PTPRK: variants seen among roughly 807,000 people sequenced by gnomAD.
PTPRK encodes the protein protein tyrosine phosphatase receptor type K.
PTPRK carries 75 observed loss-of-function variants against 178.0 expected under a neutral mutation model. The observed-to-expected ratio is 0.42, with a 90% CI of 0.35 to 0.51. PTPRK has a LOEUF of 0.51. PTPRK is among the 20% of genes least tolerant of loss of function. The pLI is 0.02. For missense variants in PTPRK, 1,441 were observed against 1,797.8 expected (o/e 0.80, Z 3.59); for synonymous variants, 637 against 620.6 (o/e 1.03, Z -0.39).
chr6:128,439,897 AAAG>A (rs1472372269), intron 1 of PTPRK, among the ~76,000 whole-genome samples: 1 of 152,230 alleles, frequency 6.6e-6, no homozygotes, highest in East Asian at 1.9e-4. Flanking sequence ...AGTAGACAAG[AAAG>A]AAGAATATCC....
At chr6:128,292,342 T>A (rs1823520634) in intron 3 of PTPRK, among the ~76,000 whole-genome samples, 1 of 152,054 alleles carries the variant, frequency 6.6e-6, no homozygotes. Context: ...TTTAGAAAAG[T>A]CCAAATGCAT....
chr6:128,011,184 G>C (rs985672968), intron 13 of PTPRK, among the ~76,000 whole-genome samples: 6 of 151,194 alleles, frequency 4.0e-5, no homozygotes, highest in Admixed American at 1.3e-4. Context: ...AATAGGAAGA[G>C]AAACAGAAGT....
chr6:128,027,364 T>C (rs536771527), intron 13 of PTPRK, among the ~76,000 whole-genome samples: 3 of 152,120 alleles, frequency 2.0e-5, no homozygotes, highest in Admixed American at 1.3e-4. Flanking sequence ...TGGGCAAGAA[T>C]GTAAATCAGG....
At chr6:128,147,566 T>C (rs1796669710) in intron 7 of PTPRK, among the ~76,000 whole-genome samples, 1 of 152,120 alleles carries the variant, frequency 6.6e-6, no homozygotes, top group Non-Finnish European at 1.5e-5. Context: ...ATAAATAAAA[T>C]GCATCCAATA....
chr6:128,134,483 G>A (rs1418922299), intron 7 of PTPRK, among the ~76,000 whole-genome samples: 1 of 152,144 alleles, frequency 6.6e-6, no homozygotes, highest in South Asian at 2.1e-4. Context: ...TAGACTGGGT[G>A]TGCAGTGAAG....
At chr6:128,164,660 G>T (rs1254453488) in intron 7 of PTPRK, among the ~76,000 whole-genome samples, 2 of 151,028 alleles carry the variant, frequency 1.3e-5, no homozygotes, top group African/African-American at 4.8e-5. Context: ...GCATAAACTG[G>T]TTTGCTGAAG....
At chr6:128,272,403 C>T (rs1339619987) in intron 3 of PTPRK, among the ~76,000 whole-genome samples, 8 of 152,100 alleles carry the variant, frequency 5.3e-5, no homozygotes, top group Non-Finnish European at 7.4e-5. Flanking sequence ...AAAGAAACTA[C>T]CATCAGAGTG....
At chr6:128,487,861 A>T in intron 1 of PTPRK, among the ~76,000 whole-genome samples, 1 of 152,162 alleles carries the variant, frequency 6.6e-6, no homozygotes, top group Non-Finnish European at 1.5e-5. Context: ...CCAGTAAGAA[A>T]AGGTATCAAA....
chr6:128,043,456 T>C (rs1043285359), intron 13 of PTPRK, among the ~76,000 whole-genome samples: 10 of 152,034 alleles, frequency 6.6e-5, no homozygotes, highest in African/African-American at 2.4e-4. Flanking sequence ...TATGAAATCA[T>C]TTTGAAAAAG....
At chr6:127,989,452 C>T (rs1776350632) in intron 21 of PTPRK, among the ~76,000 whole-genome samples, 1 of 151,744 alleles carries the variant, frequency 6.6e-6, no homozygotes, top group African/African-American at 2.4e-5. Context: ...TTATAAAATA[C>T]TATGCAATTA....
At chr6:128,002,059 G>C (rs1777891753) in intron 15 of PTPRK, among the ~76,000 whole-genome samples, 1 of 151,756 alleles carries the variant, frequency 6.6e-6, no homozygotes. Context: ...ATCAAAGGGA[G>C]AGTGCAAGTA....
At chr6:128,143,610 C>A (rs141427675) in intron 7 of PTPRK, among the ~76,000 whole-genome samples, 1 of 152,128 alleles carries the variant, frequency 6.6e-6, no homozygotes, top group Admixed American at 6.6e-5. Context: ...ATTGCCCTTA[C>A]CTTTCAGCTC....
intron 6 of PTPRK, among the ~76,000 whole-genome samples, chr6:128,206,846 T>C (rs1167616560): frequency 2.6e-5 from 4 of 152,198 alleles, no homozygotes; most frequent in African/African-American, 9.6e-5. Context: ...TGTTTCATGA[T>C]AATGATCAGA....
At chr6:128,094,605 T>C (rs1787595634) in intron 7 of PTPRK, among the ~76,000 whole-genome samples, 1 of 152,192 alleles carries the variant, frequency 6.6e-6, no homozygotes, top group Non-Finnish European at 1.5e-5. Context: ...TATTGCTTTC[T>C]GTTGGCCAAA....
Position 128,017,713 on chromosome 6 carries a change from TTC to T in PTPRK, c.2195-8447_2195-8446del, listed in dbSNP as rs147952517. Among the ~76,000 whole-genome samples the T allele has an allele frequency of 9.2e-3, 1,298 of 140,566 alleles. 23 individuals are homozygous for T. Among genetic ancestry groups the T allele is most frequent in the African/African-American group, 0.032 (1,231 of 38,924 alleles). 92.2% of individuals were successfully genotyped at this position (140,566 alleles called of 152,430 possible). ...TCGCTCTCACTCTCTCTCTCTCTCC[TTC>T]TCTCTCTCTCTCTCTATATATATAA... On this transcript the variant is annotated intron_variant, in intron 13 of 29. Transcript: ENST00000368226.
chr6:128,018,121 C>T (rs574629828), intron 13 of PTPRK, among the ~76,000 whole-genome samples: 1 of 151,918 alleles, frequency 6.6e-6, no homozygotes, highest in South Asian at 2.1e-4. Context: ...ACAACTCACA[C>T]TAGGTCTGGA....
intron 1 of PTPRK, among the ~76,000 whole-genome samples, chr6:128,498,566 T>G (rs889659656): frequency 1.3e-5 from 2 of 152,218 alleles, no homozygotes; most frequent in Admixed American, 1.3e-4. Flanking sequence ...TGTCTGATCC[T>G]CTAAAGGTTG....
intron 1 of PTPRK, among the ~76,000 whole-genome samples, chr6:128,403,073 T>C (rs907463438): frequency 6.6e-6 from 1 of 152,214 alleles, no homozygotes; most frequent in African/African-American, 2.4e-5. Flanking sequence ...CTCTTAATGA[T>C]GACAGAAGAA....
At chr6:128,327,100 A>C (rs1047073422) in intron 2 of PTPRK, among the ~76,000 whole-genome samples, 2 of 152,148 alleles carry the variant, frequency 1.3e-5, no homozygotes, top group African/African-American at 4.8e-5. Context: ...TACTAAAAAG[A>C]ATGGGCAAGG....
Sources: gnomAD v4.1 joint callset for allele counts (sites outside exome capture counted in the v4.1 genomes callset) on GRCh38, gnomAD v4.1.1 for gene constraint, MANE v1.5 for transcripts, NCBI Gene and HGNC (gene_info 2026-07-23, HGNC 2026-07-21) for gene names.